Variants in EHF observed in about 807,000 individuals in gnomAD.
The protein encoded by EHF is ETS homologous factor, also known as ESE3 transcription factor.
In EHF, 14 loss-of-function variants were observed where a neutral mutation model predicts 45.1. The observed-to-expected ratio is 0.31, with a 90% CI of 0.21 to 0.49. The LOEUF is 0.49. EHF is among the 20% of genes least tolerant of loss of function. The pLI is 0.99. For synonymous variants in EHF, 136 were observed against 131.8 expected (o/e 1.03, Z -0.22); for missense variants, 282 against 371.4 (o/e 0.76, Z 1.98).
intron 4 of EHF, 124 bp downstream of exon 4, chr11:34,649,205 T>A: frequency 1.1e-6 from 1 of 944,936 alleles, no homozygotes; most frequent in Non-Finnish European, 1.6e-6. Context: ...GCCTTTTCCC[T>A]GGCTGTCTCT....
At position 34,647,055 on chromosome 11, in the gene EHF, A is replaced by C. The variant is rs11032797; in HGVS notation, c.343+371A>C. On this transcript the variant is annotated intron_variant, in intron 3 of 8. Coordinates refer to ENST00000257831, the MANE Select transcript of EHF (RefSeq NM_012153.6). The stretch of plus-strand genomic sequence containing the variant: ...GATCATCATGGTTACAAAAAAAAAA[A>C]CAAAAAACAAAAAACAAAACAAAAC... Among the ~76,000 whole-genome samples, 38 of 150,262 alleles carry C rather than the reference A, an allele frequency of 2.5e-4. 1 individual carries two copies. The highest frequency in any genetic ancestry group is 1.3e-4 in the Admixed American group (2 of 15,040).
chr11:34,642,348 G>T, intron 1 of EHF: 1 of 249,382 alleles, frequency 4.0e-6, no homozygotes, highest in Non-Finnish European at 7.6e-6. Context: ...CCTGGGAGCA[G>T]GTATTGCATT....
chr11:34,642,397 A>G (rs1027990254), intron 1 of EHF: 2 of 427,334 alleles, frequency 4.7e-6, no homozygotes, highest in Admixed American at 6.9e-5. Context: ...TTATTCATTT[A>G]TGAATGGGTG....
chr11:34,631,452 C>T (rs1852883093), intron 1 of EHF: 1 of 469,766 alleles, frequency 2.1e-6, no homozygotes, highest in Admixed American at 6.4e-5. Flanking sequence ...TCCTTGTGGC[C>T]CTTTTTGGAC....
chr11:34,643,068 ATG>A (rs780809590), intron 2 of EHF, among the ~76,000 whole-genome samples: 7,486 of 143,926 alleles, frequency 0.052, 321 homozygotes, highest in African/African-American at 0.12. Flanking sequence ...GAGAAAGGGT[ATG>A]TGTGTGTGTG....
chr11:34,656,162 C>G (rs1388073375), intron 6 of EHF, among the ~76,000 whole-genome samples: 1 of 152,016 alleles, frequency 6.6e-6, no homozygotes, highest in Admixed American at 6.6e-5. Context: ...TTCCCAGGTC[C>G]GCCTCCATCA....
intron 4 of EHF, among the ~76,000 whole-genome samples, chr11:34,650,815 A>G (rs1007789780): frequency 2.6e-5 from 4 of 152,196 alleles, no homozygotes; most frequent in African/African-American, 9.7e-5. Flanking sequence ...AGAGGTGTTT[A>G]CCGCAGCACA....
chr11:34,646,242 C>T lies in EHF; in HGVS notation c.98-197C>T, dbSNP rs183595202. Among the ~76,000 whole-genome samples, 494 of 152,140 alleles carry T rather than the reference C, an allele frequency of 3.2e-3. 1 individual carries two copies. Among genetic ancestry groups the T allele is most frequent in the African/African-American group, 0.011 (473 of 41,472 alleles). On this transcript the variant is annotated intron_variant, in intron 2 of 8. Coordinates refer to ENST00000257831, the MANE Select transcript of EHF (RefSeq NM_012153.6). ...CTCTGAGCACTTCAGCTCTCTTGTC[C>T]TCATCCAGTGTCCAGGGGTAGGTAG...
chr11:34,660,279 T>C lies in EHF; in HGVS notation c.*1348T>C, dbSNP rs1014791704. The C allele has an allele frequency of 2.0e-5, 3 of 152,102 alleles. No homozygotes were observed. Among genetic ancestry groups the C allele is most frequent in the African/African-American group, 4.8e-5 (2 of 41,426 alleles). The allele number at this position is 152,102 out of a possible 1,614,324, so 9.4% of individuals were successfully genotyped here. ...ATTACAAAGCAGAATTAAAATTATA[T>C]TGTAGAAGGAAACACCAAGAAAAGA... On this transcript the variant is annotated 3_prime_UTR_variant, in exon 9 of 9. Coordinates refer to ENST00000257831, the MANE Select transcript of EHF (RefSeq NM_012153.6).
At chr11:34,645,621 A>C (rs552091796) in intron 2 of EHF, among the ~76,000 whole-genome samples, 1 of 152,320 alleles carries the variant, frequency 6.6e-6, no homozygotes, top group South Asian at 2.1e-4. Context: ...GAGGACAGTG[A>C]GCCCTTGAAG....
Position 34,658,836 on chromosome 11 carries a change from T to A in EHF, c.808T>A (p.Tyr270Asn). 6.2e-7 allele frequency: 1 copy of A among 1,611,654 alleles called. No homozygotes were observed. Among genetic ancestry groups the A allele is most frequent in the Non-Finnish European group, 8.5e-7 (1 of 1,179,230 alleles). ...YEKLSRAMRY[Y>N]YKREILERVD... Reference sequence around the variant, plus strand: ...ATGCAATCTCCTTTGTTACAGATATTACTACAAAAGAGAAATTCTGGAGCG... The same window carrying A: ...ATGCAATCTCCTTTGTTACAGATATAACTACAAAAGAGAAATTCTGGAGCG... Residue 270 changes from tyrosine (Y) to asparagine (N), a missense_variant, in exon 9 of 9, where the codon TAC becomes AAC. Transcript: ENST00000257831.
intron 1 of EHF, among the ~76,000 whole-genome samples, chr11:34,630,243 CCCCACCCCTT>C (rs1399959136): frequency 6.6e-6 from 1 of 152,180 alleles, no homozygotes; most frequent in Non-Finnish European, 1.5e-5. Flanking sequence ...ATGTTGCTTT[CCCCACCCCTT>C]CCCAAGTACA....
rs554648932 is a variant in EHF at position 34,624,461 on chromosome 11, T to C, written c.-4+3233T>C. 3.5e-4 allele frequency: 88 copies of C among 251,040 alleles called. No individual in the cohort carries two copies. In the South Asian group the frequency reaches 0.012, roughly 34 times the overall value. The allele number at this position is 251,040 out of a possible 1,614,324, so 15.6% of individuals were successfully genotyped here. On this transcript the variant is annotated intron_variant, in intron 1 of 8. Transcript: ENST00000257831. The stretch of plus-strand genomic sequence containing the variant: ...AACTTTATTTGACATTTTTCATATC[T>C]AATTTTTAAGAATATGATTTTAAAA...
Position 34,642,652 on chromosome 11 carries a change from G to A in EHF, c.22G>A (p.Val8Ile). 6.2e-7 allele frequency: 1 copy of A among 1,613,824 alleles called. No homozygotes were observed. Among genetic ancestry groups the A allele is most frequent in the Non-Finnish European group, 8.5e-7 (1 of 1,179,794 alleles). Residue 8 changes from valine to isoleucine, a missense_variant, in exon 2 of 9, where the codon GTA (valine) becomes ATA (isoleucine). This residue lies in a region of EHF where 213 missense variants were observed against 247.3 expected (regional missense o/e 0.86). Coordinates refer to ENST00000257831, the MANE Select transcript of EHF (RefSeq NM_012153.6). MILEGGG[V>I]MNLNPGNNLL... ...GATCATGATTCTGGAAGGAGGTGGT[G>A]TAATGAATCTCAACCCCGGCAACAA...
intron 3 of EHF, chr11:34,646,963 A>G (rs748554390): frequency 8.0e-6 from 4 of 498,674 alleles, no homozygotes; most frequent in Admixed American, 7.5e-5. Flanking sequence ...AATTCGTAGA[A>G]TACTTACTAT....
intron 6 of EHF, among the ~76,000 whole-genome samples, chr11:34,652,202 G>A (rs767033418): frequency 6.6e-6 from 1 of 152,170 alleles, no homozygotes; most frequent in Non-Finnish European, 1.5e-5. Flanking sequence ...ATACCTCATA[G>A]TAAAATTCAA....
At chr11:34,636,098 C>T (rs1400420222) in intron 1 of EHF, among the ~76,000 whole-genome samples, 6 of 152,176 alleles carry the variant, frequency 3.9e-5, no homozygotes, top group African/African-American at 1.4e-4. Flanking sequence ...ACTTGGCTCT[C>T]AATTTCCTCC....
At chr11:34,654,723 G>A (rs1167710517) in intron 6 of EHF, among the ~76,000 whole-genome samples, 1 of 152,090 alleles carries the variant, frequency 6.6e-6, no homozygotes, top group Non-Finnish European at 1.5e-5. Context: ...GTACATATAT[G>A]TGCATTTTTT....
At position 34,646,419 on chromosome 11, in the gene EHF, G is replaced by A. The variant is rs1854540057; in HGVS notation, c.98-20G>A. ...AGGAACAGCCAGGGGTCACTCATGA[G>A]GCTGCTTCCTGTTTTGCAGTTTCCA... On this transcript the variant is annotated intron_variant, in intron 2 of 8. Transcript: ENST00000257831. 3.1e-6 allele frequency: 5 copies of A among 1,613,376 alleles called. No homozygotes were observed. In the East Asian group the frequency reaches 1.1e-4, roughly 36 times the overall value.
Sources: allele counts gnomAD v4.1 joint callset (sites outside exome capture counted in the v4.1 genomes callset), GRCh38; gene constraint gnomAD v4.1.1; regional missense constraint gnomAD v4.1.1; transcripts MANE v1.5; gene names NCBI Gene and HGNC (gene_info 2026-07-23, HGNC 2026-07-21).